The following FAM13C variants were observed in gnomAD, a reference collection of about 807,000 sequenced individuals.
FAM13C encodes protein FAM13C.
Under a neutral mutation model 73.2 loss-of-function variants are expected in FAM13C, and 37 were observed. The ratio of observed to expected loss-of-function variants is 0.51; its 90% CI spans 0.39 to 0.67. The LOEUF (loss-of-function observed/expected upper bound fraction) is 0.67, where lower values mean the gene tolerates loss of function less well. Ranked by LOEUF, FAM13C falls within the 30% of genes least tolerant of loss-of-function variation. The pLI is 0.00. For missense variants in FAM13C, 589 were observed against 715.6 expected (o/e 0.82, Z 2.02); for synonymous variants, 246 against 260.9 (o/e 0.94, Z 0.55).
chr10:59,293,236 G>A (rs1415348428), intron 5 of FAM13C, among the ~76,000 whole-genome samples: 1 of 136,838 alleles, frequency 7.3e-6, no homozygotes, highest in Non-Finnish European at 1.7e-5. Flanking sequence ...ACCATGCCCA[G>A]CTAATTTTTT....
At chr10:59,249,236 C>T (rs1841076077) in intron 13 of FAM13C, among the ~76,000 whole-genome samples, 1 of 151,924 alleles carries the variant, frequency 6.6e-6, no homozygotes, top group South Asian at 2.1e-4. Context: ...AACCCTGTCT[C>T]TACTAAAAAT....
intron 13 of FAM13C, among the ~76,000 whole-genome samples, chr10:59,248,829 G>A (rs945112947): frequency 3.3e-5 from 5 of 152,088 alleles, no homozygotes; most frequent in Admixed American, 2.0e-4. Flanking sequence ...GTATCTACTT[G>A]TATTTCAACA....
rs768114449 is a variant in FAM13C at position 59,325,592 on chromosome 10, G to A, written c.325-1486C>T. ...AACTCTCTCACACAATGGTTTTCACGTGAGACAGAATTCTGCTTGCTACTT... is the reference window on the plus strand; with the variant it reads ...AACTCTCTCACACAATGGTTTTCACATGAGACAGAATTCTGCTTGCTACTT... On this transcript the variant is annotated intron_variant, in intron 3 of 13. Coordinates refer to ENST00000618804, the MANE Select transcript of FAM13C (RefSeq NM_198215.4). Among the ~76,000 whole-genome samples, 103 of 152,078 alleles carry A rather than the reference G, an allele frequency of 6.8e-4. 2 individuals are homozygous for A. The highest frequency in any genetic ancestry group is 7.2e-4 in the Admixed American group (11 of 15,250).
chr10:59,250,217 G>A (rs938934358), intron 13 of FAM13C, among the ~76,000 whole-genome samples: 9 of 152,070 alleles, frequency 5.9e-5, no homozygotes, highest in African/African-American at 1.9e-4. Context: ...TTTACCCAAA[G>A]TATAATAGGA....
rs373172647 is a variant in FAM13C at position 59,346,896 on chromosome 10, C to A, written c.324+5374G>T. ...TATCTAATTAGATATCACATAAGGGCAAACTGTCACTGGATTCCACTTTGA... is the reference window on the plus strand; with the variant it reads ...TATCTAATTAGATATCACATAAGGGAAAACTGTCACTGGATTCCACTTTGA... On this transcript the variant is annotated intron_variant, in intron 3 of 13. Transcript: ENST00000618804. Among the ~76,000 whole-genome samples, 8 of 152,124 alleles carry A rather than the reference C, an allele frequency of 5.3e-5. No individual in the cohort carries two copies. The South Asian group carries it at 1.5e-3, about 28-fold the overall frequency.
intron 6 of FAM13C, among the ~76,000 whole-genome samples, chr10:59,278,678 G>GA (rs755587363): frequency 1.3e-5 from 2 of 152,024 alleles, no homozygotes; most frequent in African/African-American, 2.4e-5. Flanking sequence ...GACCCCAATT[G>GA]AAAACCTCTA....
chr10:59,316,791 G>C (rs1183594851), intron 4 of FAM13C, among the ~76,000 whole-genome samples: 3 of 152,076 alleles, frequency 2.0e-5, no homozygotes, highest in Non-Finnish European at 4.4e-5. Context: ...TTATTATGTG[G>C]TACATGACTG....
intron 4 of FAM13C, among the ~76,000 whole-genome samples, chr10:59,308,759 T>C (rs1848581388): frequency 1.3e-5 from 2 of 152,262 alleles, no homozygotes; most frequent in Admixed American, 1.3e-4. Flanking sequence ...GGATAGCCTA[T>C]GACTACAAAC....
chr10:59,332,400 C>A (rs1214506323), intron 3 of FAM13C, among the ~76,000 whole-genome samples: 1 of 151,830 alleles, frequency 6.6e-6, no homozygotes, highest in Non-Finnish European at 1.5e-5. Context: ...AAGGGACAGG[C>A]AGATGGAAAG....
At chr10:59,338,033 C>T (rs1378178007) in intron 3 of FAM13C, among the ~76,000 whole-genome samples, 1 of 152,092 alleles carries the variant, frequency 6.6e-6, no homozygotes, top group East Asian at 1.9e-4. Context: ...GATACAATAA[C>T]CATACTAACA....
chr10:59,327,342 G>A (rs1851292920), intron 3 of FAM13C, among the ~76,000 whole-genome samples: 1 of 152,168 alleles, frequency 6.6e-6, no homozygotes, highest in Non-Finnish European at 1.5e-5. Flanking sequence ...AAGTTATAAA[G>A]GAAAGAGTAC....
intron 5 of FAM13C, among the ~76,000 whole-genome samples, chr10:59,295,534 C>T (rs371610877): frequency 5.9e-5 from 9 of 152,154 alleles, no homozygotes; most frequent in South Asian, 2.1e-4. Context: ...GAAGCTGGGA[C>T]GGGGGCTTTT....
upstream of FAM13C, chr10:59,362,887 T>G (rs1364029838): frequency 3.4e-5 from 7 of 204,268 alleles, no homozygotes; most frequent in Non-Finnish European, 5.8e-5. Context: ...TTCTTCCACA[T>G]GTCTCCTACC....
intron 1 of FAM13C, among the ~76,000 whole-genome samples, chr10:59,359,124 G>A (rs1856074034): frequency 6.6e-6 from 1 of 152,168 alleles, no homozygotes; most frequent in South Asian, 2.1e-4. Flanking sequence ...AAAGTTGTGT[G>A]GTACTTCACA....
intron 13 of FAM13C, 107 bp from the exon 14 acceptor site, chr10:59,247,844 G>T: frequency 9.4e-7 from 1 of 1,062,632 alleles, no homozygotes; most frequent in Non-Finnish European, 1.3e-6. Flanking sequence ...CCTCCACTTG[G>T]TTTTTGCATC....
chr10:59,265,323 G>GA (rs1491251543), intron 8 of FAM13C, among the ~76,000 whole-genome samples: 1 of 29,984 alleles, frequency 3.3e-5, no homozygotes. Context: ...GGGTTTTGGC[G>GA]GGGGGGGGGG....
chr10:59,293,730 C>T (rs1846564663), intron 5 of FAM13C, among the ~76,000 whole-genome samples: 1 of 152,204 alleles, frequency 6.6e-6, no homozygotes, highest in African/African-American at 2.4e-5. Context: ...GATGTCCCGA[C>T]TTGATATGTG....
chr10:59,259,482 A>C (rs1382863174), intron 10 of FAM13C, among the ~76,000 whole-genome samples: 1 of 152,234 alleles, frequency 6.6e-6, no homozygotes, highest in South Asian at 2.1e-4. Context: ...TGGGAATACA[A>C]AGTTTTCTCT....
At chr10:59,331,732 A>G (rs1852016036) in intron 3 of FAM13C, among the ~76,000 whole-genome samples, 1 of 152,166 alleles carries the variant, frequency 6.6e-6, no homozygotes, top group Non-Finnish European at 1.5e-5. Context: ...CAGAGGTGGT[A>G]GGCAGTATGG....
Sources: gnomAD v4.1 joint callset for allele counts (sites outside exome capture counted in the v4.1 genomes callset) on GRCh38, gnomAD v4.1.1 for gene constraint, MANE v1.5 for transcripts, NCBI Gene and HGNC (gene_info 2026-07-23, HGNC 2026-07-21) for gene names.